Variants in ARHGAP15 observed in about 807,000 individuals in gnomAD.
ARHGAP15 encodes Rho GTPase activating protein 15.
In ARHGAP15, 51 loss-of-function variants were observed where a neutral mutation model predicts 63.7. The ratio of observed to expected loss-of-function variants is 0.80; its 90% confidence interval spans 0.64 to 1.01. The LOEUF is 1.01. Among genes scored for constraint, ARHGAP15 ranks in the 50% least tolerant of loss-of-function variants. The pLI is 0.00. For missense variants in ARHGAP15, 560 were observed against 564.6 expected (o/e 0.99, Z 0.08); for synonymous variants, 191 against 193.8 (o/e 0.99, Z 0.12).
At chr2:143,385,365 A>T (rs1028516662) in intron 6 of ARHGAP15, among the ~76,000 whole-genome samples, 1 of 152,200 alleles carries the variant, frequency 6.6e-6, no homozygotes, top group Non-Finnish European at 1.5e-5. Context: ...TCAGCACAGG[A>T]CCACTCAACT....
chr2:143,274,738 A>C (rs535489488), intron 6 of ARHGAP15, among the ~76,000 whole-genome samples: 1 of 152,308 alleles, frequency 6.6e-6, no homozygotes, highest in Non-Finnish European at 1.5e-5. Flanking sequence ...TAATTTCAGA[A>C]TTTCATAACG....
At chr2:143,766,925 CAAAG>C (rs1376433580) in intron 13 of ARHGAP15, 1 of 152,200 alleles carries the variant, frequency 6.6e-6, no homozygotes, top group African/African-American at 2.4e-5. Flanking sequence ...TTAGGCCAAA[CAAAG>C]AGAGGCCTCT....
chr2:143,476,744 A>G (rs1429053863), intron 8 of ARHGAP15, among the ~76,000 whole-genome samples: 1 of 152,220 alleles, frequency 6.6e-6, no homozygotes, highest in Non-Finnish European at 1.5e-5. Context: ...AGGAATCAAT[A>G]TTTTGCAAAC....
At chr2:143,371,729 C>T (rs538764614) in intron 6 of ARHGAP15, among the ~76,000 whole-genome samples, 6 of 152,044 alleles carry the variant, frequency 3.9e-5, no homozygotes, top group Non-Finnish European at 8.8e-5. Flanking sequence ...TTATACTTTG[C>T]CAAATATTTT....
At chr2:143,362,682 G>C (rs1271848274) in intron 6 of ARHGAP15, among the ~76,000 whole-genome samples, 1 of 152,090 alleles carries the variant, frequency 6.6e-6, no homozygotes, top group Non-Finnish European at 1.5e-5. Context: ...CTCAAAATCT[G>C]TTTCTCTCTT....
At chr2:143,165,994 G>GGAAGGAAAA (rs1690498574) in intron 2 of ARHGAP15, among the ~76,000 whole-genome samples, 2 of 129,830 alleles carry the variant, frequency 1.5e-5, no homozygotes, top group African/African-American at 6.0e-5. Flanking sequence ...AAGAAAGAAA[G>GGAAGGAAAA]AAAGAAAGAA....
chr2:143,643,180 G>A (rs1680690981), intron 12 of ARHGAP15, among the ~76,000 whole-genome samples: 1 of 152,004 alleles, frequency 6.6e-6, no homozygotes, highest in South Asian at 2.1e-4. Context: ...ATAATGTGGT[G>A]GTAATTGTCA....
At chr2:143,379,491 G>A (rs200813630) in intron 6 of ARHGAP15, among the ~76,000 whole-genome samples, 41,683 of 112,652 alleles carry the variant, frequency 0.37, 5,935 homozygotes, top group East Asian at 0.42. Flanking sequence ...ATATATATGT[G>A]TGTGTGTGTG....
At chr2:143,761,518 A>T (rs893345943) in intron 13 of ARHGAP15, among the ~76,000 whole-genome samples, 3 of 110,900 alleles carry the variant, frequency 2.7e-5, no homozygotes, top group Non-Finnish European at 6.9e-5. Flanking sequence ...AACTTAAAAG[A>T]AAGTTCACAT....
intron 3 of ARHGAP15, among the ~76,000 whole-genome samples, chr2:143,205,050 T>A (rs1236513448): frequency 6.6e-6 from 1 of 151,306 alleles, no homozygotes; most frequent in Non-Finnish European, 1.5e-5. Context: ...TCACTTTAGG[T>A]TGGGAGTTCA....
chr2:143,615,932 C>G lies in ARHGAP15; in HGVS notation c.1004-8201C>G, dbSNP rs116510943. Reference sequence around the variant, plus strand: ...TCTATAGAGTACAAAAAGCCTTTGACTGAATGGAAATAAGAACAGAGTTGG... The same window carrying G: ...TCTATAGAGTACAAAAAGCCTTTGAGTGAATGGAAATAAGAACAGAGTTGG... On this transcript the variant is annotated intron_variant, in intron 11 of 13. Coordinates refer to ENST00000295095, the MANE Select transcript of ARHGAP15 (RefSeq NM_018460.4). 5.9e-3 allele frequency among the ~76,000 whole-genome samples: 895 copies of G among 152,088 alleles called. 7 individuals carry two copies. Among genetic ancestry groups the G allele is most frequent in the Non-Finnish European group, 0.011 (728 of 67,968 alleles).
chr2:143,414,521 T>C (rs1257531079), intron 6 of ARHGAP15, among the ~76,000 whole-genome samples: 1 of 152,086 alleles, frequency 6.6e-6, no homozygotes, highest in Admixed American at 6.6e-5. Context: ...AGAAAAAATT[T>C]GAAAAATAAT....
chr2:143,646,880 A>G (rs1680904755), intron 12 of ARHGAP15, among the ~76,000 whole-genome samples: 1 of 152,010 alleles, frequency 6.6e-6, no homozygotes, highest in Non-Finnish European at 1.5e-5. Flanking sequence ...TAATTTTGAC[A>G]AAAAGAAAAG....
intron 11 of ARHGAP15, among the ~76,000 whole-genome samples, chr2:143,617,635 T>C (rs1256216540): frequency 6.6e-6 from 1 of 152,138 alleles, no homozygotes; most frequent in Non-Finnish European, 1.5e-5. Flanking sequence ...CTATGAAATA[T>C]TGGGGGTTAA....
intron 10 of ARHGAP15, among the ~76,000 whole-genome samples, chr2:143,555,309 A>G (rs1320871430): frequency 2.0e-5 from 3 of 152,112 alleles, no homozygotes; most frequent in African/African-American, 7.2e-5. Context: ...CTATGGCAAT[A>G]ATTTCTACCA....
At chr2:143,279,718 T>C (rs1355727476) in intron 6 of ARHGAP15, among the ~76,000 whole-genome samples, 2 of 152,190 alleles carry the variant, frequency 1.3e-5, no homozygotes, top group Non-Finnish European at 2.9e-5. Flanking sequence ...GCTTTGAGTA[T>C]GCTTGCCTTT....
intron 6 of ARHGAP15, among the ~76,000 whole-genome samples, chr2:143,279,116 T>C (rs777474683): frequency 6.6e-6 from 1 of 152,154 alleles, no homozygotes; most frequent in East Asian, 1.9e-4. Flanking sequence ...TTAGATAAAG[T>C]CTTAAAGCTC....
Position 143,228,673 on chromosome 2 carries a change from G to A in ARHGAP15, c.384+5G>A. On this transcript the variant is annotated splice_donor_5th_base_variant and intron_variant, in intron 5 of 13. Coordinates refer to ENST00000295095, the MANE Select transcript of ARHGAP15 (RefSeq NM_018460.4). ...CAACAGGCTCTGTCCAATATGGTAA[G>A]TAATTCTCTGTTTCTATTGTTAAAT... 10 of 1,524,926 alleles carry A rather than the reference G, an allele frequency of 6.6e-6. No homozygotes were observed. The highest frequency in any genetic ancestry group is 8.8e-6 in the Non-Finnish European group (10 of 1,130,410). The allele number at this position is 1,524,926 out of a possible 1,614,324, so 94.5% of individuals were successfully genotyped here. A position where few individuals can be genotyped will look rare whatever the true frequency, so the allele number is the denominator to read the frequency against.
chr2:143,194,768 G>A (rs1574075218), intron 2 of ARHGAP15, among the ~76,000 whole-genome samples: 3 of 152,150 alleles, frequency 2.0e-5, no homozygotes, highest in Non-Finnish European at 4.4e-5. Context: ...AAAGGGAATG[G>A]TATTCAGCAA....
Sources: allele counts gnomAD v4.1 joint callset (sites outside exome capture counted in the v4.1 genomes callset), GRCh38; gene constraint gnomAD v4.1.1; transcripts MANE v1.5; gene names NCBI Gene and HGNC (gene_info 2026-07-23, HGNC 2026-07-21).